The following IL31RA variants were observed in gnomAD, a reference collection of about 807,000 sequenced individuals.
IL31RA encodes the protein interleukin-31 receptor subunit alpha.
In IL31RA, 66 loss-of-function variants were observed where a neutral mutation model predicts 83.7. That is an observed-to-expected ratio of 0.79 (90% CI 0.65 to 0.97). The LOEUF is 0.97. Among genes scored for constraint, IL31RA ranks in the 50% least tolerant of loss-of-function variants. The pLI is 0.00. For missense variants in IL31RA, 798 were observed against 919.4 expected (o/e 0.87, Z 1.71); for synonymous variants, 325 against 329.0 (o/e 0.99, Z 0.13).
chr5:55,861,205 G>A (rs1745660482), intron 2 of IL31RA, among the ~76,000 whole-genome samples: 1 of 152,208 alleles, frequency 6.6e-6, no homozygotes, highest in Admixed American at 6.5e-5. Flanking sequence ...GAGATAATGA[G>A]AATGCCTTCA....
intron 2 of IL31RA, 146 bp from the exon 3 acceptor site, chr5:55,868,645 C>T (rs909037477): frequency 2.7e-6 from 2 of 730,214 alleles, no homozygotes; most frequent in African/African-American, 1.7e-5. Flanking sequence ...TTCCATTGAA[C>T]CTGATTGCTA....
intron 2 of IL31RA, among the ~76,000 whole-genome samples, chr5:55,861,792 C>T (rs994673696): frequency 3.9e-5 from 6 of 152,282 alleles, no homozygotes; most frequent in Admixed American, 1.3e-4. Flanking sequence ...CTATGTTGTA[C>T]ATATACCAGC....
At chr5:55,908,158 G>T (rs994190566) in intron 10 of IL31RA, 107 bp from the exon 11 acceptor site, 8 of 1,502,814 alleles carry the variant, frequency 5.3e-6, no homozygotes, top group Non-Finnish European at 6.4e-6. Flanking sequence ...CTCACCCGTC[G>T]CCTCCAGCAC....
At chr5:55,845,403 G>T in the IL31RA span, among the ~76,000 whole-genome samples, 75 of 114,378 alleles carry the variant, frequency 6.6e-4, no homozygotes, top group Non-Finnish European at 1.2e-3. Context: ...GGCTGTAGTG[G>T]GGTATTTTCT....
chr5:55,855,805 C>T (rs2112279007), intron 1 of IL31RA, among the ~76,000 whole-genome samples: 1 of 152,322 alleles, frequency 6.6e-6, no homozygotes, highest in African/African-American at 2.4e-5. Context: ...TGCTGGTAGT[C>T]AGTAATAAGT....
intron 8 of IL31RA, among the ~76,000 whole-genome samples, chr5:55,904,694 C>A (rs1415919169): frequency 6.6e-6 from 1 of 152,224 alleles, no homozygotes; most frequent in Non-Finnish European, 1.5e-5. Context: ...TCAACTGTGG[C>A]TTACAAGAAC....
chr5:55,904,922 G>T (rs975012237), intron 8 of IL31RA, among the ~76,000 whole-genome samples: 8 of 150,898 alleles, frequency 5.3e-5, no homozygotes, highest in Non-Finnish European at 1.5e-5. Context: ...CTGGCTGGGC[G>T]TGGTGGCTCG....
rs1220553866 is a variant in IL31RA at position 55,867,187 on chromosome 5, GTT to G, written c.155-1602_155-1601del. 4.8e-4 allele frequency among the ~76,000 whole-genome samples: 28 copies of G among 57,942 alleles called. 2 individuals are homozygous for G. Among genetic ancestry groups the G allele is most frequent in the African/African-American group, 1.9e-3 (23 of 12,298 alleles). 38.0% of individuals were successfully genotyped at this position (57,942 alleles called of 152,430 possible). The stretch of plus-strand genomic sequence containing the variant: ...TGTGTGCATGTGTGTGTGCATGTGT[GTT>G]TGTGTGTGTTTGTGTGTGTGCGCAT... On this transcript the variant is annotated intron_variant, in intron 2 of 14. Coordinates refer to ENST00000652347, the MANE Select transcript of IL31RA (RefSeq NM_139017.7).
chr5:55,896,300 C>A, intron 6 of IL31RA, 50 bp from the exon 7 acceptor site: 1 of 1,295,120 alleles, frequency 7.7e-7, no homozygotes, highest in South Asian at 1.2e-5. Flanking sequence ...CCTGTCTCCT[C>A]TGCAACTCCC....
At chr5:55,883,272 G>A in intron 5 of IL31RA, 77 bp downstream of exon 5, 1 of 1,239,720 alleles carries the variant, frequency 8.1e-7, no homozygotes, top group South Asian at 1.2e-5. Flanking sequence ...TGTTGACCTG[G>A]AATCATTATT....
chr5:55,916,858 C>T lies in IL31RA; in HGVS notation c.2033C>T (p.Pro678Leu). The T allele has an allele frequency of 6.2e-7, 1 of 1,614,128 alleles. No homozygotes were observed. Among genetic ancestry groups the T allele is most frequent in the Non-Finnish European group, 8.5e-7 (1 of 1,180,024 alleles). The change falls in exon 15 of 15, where the codon CCT (proline) becomes CTT (leucine). Residue 678 changes from proline to leucine, a missense_variant. By Grantham distance (98) the Pro-to-Leu change is moderately conservative (BLOSUM62 -3). Coordinates refer to ENST00000652347, the MANE Select transcript of IL31RA (RefSeq NM_139017.7). ...KNGYVTCPFR[P>L]DCPLGKSFEE... ...GGGTATGTGACCTGCCCCTTCAGGC[C>T]TGATTGTCCCCTGGGGAAAAGTTTT...
At chr5:55,891,184 G>A (rs1747964187) in intron 6 of IL31RA, among the ~76,000 whole-genome samples, 1 of 151,934 alleles carries the variant, frequency 6.6e-6, no homozygotes, top group Non-Finnish European at 1.5e-5. Flanking sequence ...TCCCATTTTG[G>A]AAATGAGGAA....
At chr5:55,840,708 G>A in the IL31RA span, among the ~76,000 whole-genome samples, 3 of 152,136 alleles carry the variant, frequency 2.0e-5, no homozygotes, top group African/African-American at 7.2e-5. Flanking sequence ...TATTCTGCTG[G>A]TGTACATCTG....
At chr5:55,912,449 A>G (rs1459646213) in intron 12 of IL31RA, among the ~76,000 whole-genome samples, 2 of 152,060 alleles carry the variant, frequency 1.3e-5, no homozygotes, top group African/African-American at 2.4e-5. Flanking sequence ...GCATGGCTGG[A>G]TCCTTCTCAC....
chr5:55,890,448 C>T (rs1259287221), intron 6 of IL31RA, among the ~76,000 whole-genome samples: 1 of 152,192 alleles, frequency 6.6e-6, no homozygotes, highest in Non-Finnish European at 1.5e-5. Context: ...CGGCTCACTG[C>T]CACCACCACC....
Position 55,916,932 on chromosome 5 carries a change from C to A in IL31RA, c.2107C>A (p.Leu703Ile), listed in dbSNP as rs764336987. The A allele has an allele frequency of 1.2e-6, 2 of 1,613,934 alleles. No individual in the cohort carries two copies. The highest frequency in any genetic ancestry group is 4.5e-5 in the East Asian group (2 of 44,870). The change falls in exon 15 of 15, where the codon CTA becomes ATA. Residue 703 changes from leucine to isoleucine, a missense_variant. Leu to Ile is a conservative substitution (Grantham distance 5). Transcript: ENST00000652347. ...GATTCCGCCCAGAAAATCCCAATAC[C>A]TACGTTCGAGGATGCCAGAGGGGAC... Reference protein sequence around the residue: ...PEIPPRKSQYLRSRMPEGTRP... With the variant: ...PEIPPRKSQYIRSRMPEGTRP...
chr5:55,866,004 G>C (rs1391581597), intron 2 of IL31RA, among the ~76,000 whole-genome samples: 9 of 152,176 alleles, frequency 5.9e-5, no homozygotes, highest in Non-Finnish European at 1.5e-5. Context: ...GGGGCAGCTG[G>C]CTTTGCCTGT....
At chr5:55,893,560 G>C (rs935522420) in intron 6 of IL31RA, among the ~76,000 whole-genome samples, 9 of 151,898 alleles carry the variant, frequency 5.9e-5, no homozygotes, top group Non-Finnish European at 1.3e-4. Flanking sequence ...TTCCCCCTTT[G>C]ATTAAACTGA....
intron 5 of IL31RA, among the ~76,000 whole-genome samples, chr5:55,883,809 C>G (rs1419442169): frequency 2.0e-5 from 3 of 152,086 alleles, no homozygotes; most frequent in Non-Finnish European, 4.4e-5. Context: ...TTCCTTGAGT[C>G]CCAGGATGAA....
Sources: gnomAD v4.1 joint callset for allele counts (sites outside exome capture counted in the v4.1 genomes callset) on GRCh38, gnomAD v4.1.1 for gene constraint, MANE v1.5 for transcripts, NCBI Gene and HGNC (gene_info 2026-07-23, HGNC 2026-07-21) for gene names.